Variants in TSPEAR observed in about 807,000 individuals in gnomAD.
TSPEAR encodes thrombospondin type laminin G domain and EAR repeats.
A neutral mutation model predicts 71.6 loss-of-function variants in TSPEAR; 69 were observed. That is an observed-to-expected ratio of 0.96 (90% CI 0.79 to 1.18). The LOEUF (loss-of-function observed/expected upper bound fraction) is 1.18, where lower values mean the gene tolerates loss of function less well. Among genes scored for constraint, TSPEAR ranks in the 50% most tolerant of loss-of-function variants. TSPEAR has a pLI of 0.00. For synonymous variants in TSPEAR, 402 were observed against 387.2 expected, an observed-to-expected ratio of 1.04 and a Z score of -0.45; for missense variants, 971 against 894.9, an observed-to-expected ratio of 1.09 and a Z score of -1.09.
In TSPEAR at chr21:44,506,104, C is replaced by T. The variant is rs781862421; in HGVS notation, c.1755-1223G>A. On this transcript the variant is annotated intron_variant, in intron 10 of 11. Transcript: ENST00000323084. The surrounding 1 kb of genome is among the most constrained non-coding windows in gnomAD (Gnocchi z 4.2). ...GCCTACAGGACCTGCAGGACCTGCTCGTTCACAGATGTTCTCCTAGAAGCA... is the reference window on the plus strand; with the variant it reads ...GCCTACAGGACCTGCAGGACCTGCTTGTTCACAGATGTTCTCCTAGAAGCA... 2.6e-5 allele frequency among the ~76,000 whole-genome samples: 4 copies of T among 152,306 alleles called. No homozygotes were observed. Among genetic ancestry groups the T allele is most frequent in the East Asian group, 1.9e-4 (1 of 5,178 alleles).
chr21:44,674,867 G>T (rs73234825), intron 1 of TSPEAR, among the ~76,000 whole-genome samples: 5,867 of 148,562 alleles, frequency 0.039, 130 homozygotes, highest in Middle Eastern at 0.087. Flanking sequence ...AACCTACCAA[G>T]ATTGAATTAA....
Position 44,612,227 on chromosome 21 carries a change from G to A in TSPEAR, c.83-44222C>T, listed in dbSNP as rs782037897. On this transcript the variant is annotated intron_variant, in intron 1 of 11. Transcript: ENST00000323084. The surrounding 1 kb of genome is among the most constrained non-coding windows in gnomAD (Gnocchi z 4.1). ...CACCTGCACTGGCTCCTCCTGGCAG[G>A]TGGACAATTGCCAGGAAAGCTGCTG... The A allele has an allele frequency of 6.2e-6, 10 of 1,613,824 alleles. No individual in the cohort carries two copies. In the South Asian group the frequency reaches 7.7e-5, roughly 12 times the overall value.
At chr21:44,550,763 G>T in intron 2 of TSPEAR, 2 of 1,614,214 alleles carry the variant, frequency 1.2e-6, no homozygotes, top group South Asian at 2.2e-5. Context: ...GGCAGAGGAG[G>T]GACACAGAGG....
At position 44,618,403 on chromosome 21, in the gene TSPEAR, G is replaced by A. The variant is rs369278533; in HGVS notation, c.83-50398C>T. The stretch of plus-strand genomic sequence containing the variant: ...TTTATTAATTACTCAGTCTTGGATA[G>A]TATCTTTATAGCAGTGTGAAAAAGG... On this transcript the variant is annotated intron_variant, in intron 1 of 11. Transcript: ENST00000323084. 5.9e-5 allele frequency among the ~76,000 whole-genome samples: 9 copies of A among 152,306 alleles called. 1 individual carries two copies. The highest frequency in any genetic ancestry group is 1.3e-4 in the Admixed American group (2 of 15,302).
In TSPEAR at chr21:44,654,384, C is replaced by A. The variant is rs1011285651; in HGVS notation, c.82+57049G>T. ...AGAAGGAAGCCACACACAAAACAGG[C>A]TTGCAGCTCACAGGCACACAGCAGG... On this transcript the variant is annotated intron_variant, in intron 1 of 11. Transcript: ENST00000323084. 25 of 1,614,082 alleles carry A rather than the reference C, an allele frequency of 1.5e-5. No individual in the cohort carries two copies. Among genetic ancestry groups the A allele is most frequent in the Non-Finnish European group, 2.0e-5 (24 of 1,180,026 alleles).
Position 44,666,726 on chromosome 21 carries a change from A to G in TSPEAR, c.82+44707T>C, listed in dbSNP as rs200339976. On this transcript the variant is annotated intron_variant, in intron 1 of 11. Coordinates refer to ENST00000323084, the MANE Select transcript of TSPEAR (RefSeq NM_144991.3). ...AGACTGGCAGCTCACGGGCAGGCAC[A>G]CGGCTGGCTTGAAGCTCACGGGCAC... 1.3e-4 allele frequency: 211 copies of G among 1,613,984 alleles called. No individual in the cohort carries two copies. In the African/African-American group the frequency reaches 2.1e-3, roughly 16 times the overall value.
At chr21:44,514,109 C>A (rs1325520823) in intron 9 of TSPEAR, among the ~76,000 whole-genome samples, 2 of 152,228 alleles carry the variant, frequency 1.3e-5, no homozygotes, top group Non-Finnish European at 2.9e-5. Context: ...TAGCTGCCAC[C>A]TTCCTGGAGC....
intron 1 of TSPEAR, among the ~76,000 whole-genome samples, chr21:44,581,687 A>ATT (rs2146103863): frequency 5.8e-4 from 1 of 1,718 alleles, no homozygotes; most frequent in Admixed American, 0.01. Context: ...CTTAAAAATA[A>ATT]CTCATCTCTC....
intron 1 of TSPEAR, among the ~76,000 whole-genome samples, chr21:44,659,140 C>T (rs587708386): frequency 6.6e-6 from 1 of 152,252 alleles, no homozygotes; most frequent in South Asian, 2.1e-4. Flanking sequence ...CAGCTCCAGC[C>T]TAGCAGGCAC....
At chr21:44,508,655 C>T (rs2052265718) in intron 10 of TSPEAR, 11 of 1,195,328 alleles carry the variant, frequency 9.2e-6, no homozygotes, top group Non-Finnish European at 1.2e-5. Context: ...GCGTGTCGGT[C>T]TGGAACCATC....
rs1199402001 is a variant in TSPEAR, at chr21:44,657,830, TG to T, written c.82+53602del. 1.9e-5 allele frequency: 14 copies of T among 731,804 alleles called. No individual in the cohort carries two copies. In the African/African-American group the frequency reaches 2.1e-4, roughly 11 times the overall value. 45.3% of individuals were successfully genotyped at this position (731,804 alleles called of 1,614,324 possible). ...AAGTACACGCGGGAAAATAAGATGT[TG>T]GGAAACACAGTGGAAACAACCACAA... is the stretch of plus-strand genomic sequence containing the variant. On this transcript the variant is annotated intron_variant, in intron 1 of 11. Coordinates refer to ENST00000323084, the MANE Select transcript of TSPEAR (RefSeq NM_144991.3).
At chr21:44,663,032 T>C (rs908660149) in intron 1 of TSPEAR, among the ~76,000 whole-genome samples, 2 of 151,854 alleles carry the variant, frequency 1.3e-5, no homozygotes, top group African/African-American at 4.8e-5. Flanking sequence ...CTGAAATCAA[T>C]TATCTAAGTT....
chr21:44,708,510 C>A (rs979361467), intron 1 of TSPEAR, among the ~76,000 whole-genome samples: 1 of 152,172 alleles, frequency 6.6e-6, no homozygotes, highest in African/African-American at 2.4e-5. Context: ...CTCCCCCAAC[C>A]TCCTATTGCA....
rs900663148 is a variant in TSPEAR at position 44,642,047 on chromosome 21, T to C, written c.82+69386A>G. 6.6e-6 allele frequency among the ~76,000 whole-genome samples: 1 copy of C among 152,118 alleles called. No homozygotes were observed. The highest frequency in any genetic ancestry group is 1.5e-5 in the Non-Finnish European group (1 of 68,006). On this transcript the variant is annotated intron_variant, in intron 1 of 11. Transcript: ENST00000323084. The surrounding 1 kb of genome is among the most constrained non-coding windows in gnomAD (Gnocchi z 4.1). ...AATAAAAATAAGCAGACATGAAAGA[T>C]GGAAAAAGAAGTATGCTCACAGATT... is the stretch of plus-strand genomic sequence containing the variant.
intron 2 of TSPEAR, among the ~76,000 whole-genome samples, chr21:44,540,858 G>A (rs988788820): frequency 3.3e-5 from 5 of 152,188 alleles, no homozygotes; most frequent in African/African-American, 7.2e-5. Flanking sequence ...ACTGGGTTTC[G>A]GACAGGAAAG....
At chr21:44,620,038 A>G (rs1982344761) in intron 1 of TSPEAR, among the ~76,000 whole-genome samples, 1 of 152,076 alleles carries the variant, frequency 6.6e-6, no homozygotes, top group South Asian at 2.1e-4. Flanking sequence ...AAAACACAGT[A>G]TAATCAAACT....
chr21:44,558,081 C>T, intron 2 of TSPEAR: 1 of 1,611,440 alleles, frequency 6.2e-7, no homozygotes, highest in Non-Finnish European at 8.5e-7. Context: ...TGAGGAGAGG[C>T]CGCAGCACGC....
chr21:44,654,677 G>A, intron 1 of TSPEAR: 1 of 1,229,688 alleles, frequency 8.1e-7, no homozygotes, highest in Non-Finnish European at 1.1e-6. Context: ...GCTTCCTTAG[G>A]TGGCCTTTAT....
At chr21:44,636,760 A>G (rs1983595668) in intron 1 of TSPEAR, among the ~76,000 whole-genome samples, 1 of 152,040 alleles carries the variant, frequency 6.6e-6, no homozygotes, top group Non-Finnish European at 1.5e-5. Context: ...GCTCCAGGGG[A>G]TGGCAGTCCA....
Sources: allele counts gnomAD v4.1 joint callset (sites outside exome capture counted in the v4.1 genomes callset), GRCh38; gene constraint gnomAD v4.1.1; non-coding constraint Gnocchi (gnomAD v3.1); transcripts MANE v1.5; gene names NCBI Gene and HGNC (gene_info 2026-07-23, HGNC 2026-07-21).